Variants in PPP4R3A observed in about 807,000 individuals in gnomAD.
PPP4R3A encodes the protein protein phosphatase 4 regulatory subunit 3A, also known as serine/threonine-protein phosphatase 4 regulatory subunit 3A.
Under a neutral mutation model 91.7 loss-of-function variants are expected in PPP4R3A, and 15 were observed. The ratio of observed to expected loss-of-function variants is 0.16; its 90% CI spans 0.11 to 0.25. PPP4R3A has a LOEUF of 0.25. Ranked by LOEUF, PPP4R3A falls within the 10% of genes least tolerant of loss-of-function variation. The pLI, the probability that PPP4R3A is intolerant of heterozygous loss-of-function variation, is 1.00. For missense variants in PPP4R3A, 623 were observed against 998.4 expected, an observed-to-expected ratio of 0.62 and a Z score of 5.07; for synonymous variants, 377 against 348.7, an observed-to-expected ratio of 1.08 and a Z score of -0.91.
intron 3 of PPP4R3A, among the ~76,000 whole-genome samples, chr14:91,484,745 AG>A (rs1889783363): frequency 6.6e-6 from 1 of 152,192 alleles, no homozygotes; most frequent in African/African-American, 2.4e-5. Flanking sequence ...TGCTGGTTTG[AG>A]GGCCACATTC....
At chr14:91,461,006 C>T (rs6575193) in intron 14 of PPP4R3A, among the ~76,000 whole-genome samples, 132,997 of 152,094 alleles carry the variant, frequency 0.87, 58,346 homozygotes, top group East Asian at 0.96. Context: ...GTTAGAAGTA[C>T]CCAGATATTT....
At chr14:91,462,995 C>G (rs1195931192) in intron 11 of PPP4R3A, 118 bp from the exon 12 acceptor site, 5 of 794,644 alleles carry the variant, frequency 6.3e-6, no homozygotes, top group Non-Finnish European at 9.9e-6. Context: ...ACTACATAAT[C>G]TTAGAGATAA....
intron 10 of PPP4R3A, among the ~76,000 whole-genome samples, chr14:91,469,670 G>C (rs902242050): frequency 5.3e-5 from 8 of 152,154 alleles, no homozygotes; most frequent in African/African-American, 1.9e-4. Context: ...CCAGGTTCAA[G>C]CGATCCTTCT....
intron 1 of PPP4R3A, among the ~76,000 whole-genome samples, chr14:91,507,050 G>A (rs1392099080): frequency 6.6e-6 from 1 of 152,110 alleles, no homozygotes; most frequent in East Asian, 1.9e-4. Context: ...TCGGCGCAGT[G>A]GCTCACGCCT....
chr14:91,468,330 TAAAGA>T (rs1039680382), intron 10 of PPP4R3A, among the ~76,000 whole-genome samples: 31 of 152,204 alleles, frequency 2.0e-4, no homozygotes, highest in African/African-American at 7.2e-4. Flanking sequence ...TGAACTGAAC[TAAAGA>T]AAAGTCCTTT....
chr14:91,471,335 T>G (rs1034770936), intron 9 of PPP4R3A, among the ~76,000 whole-genome samples: 1 of 152,204 alleles, frequency 6.6e-6, no homozygotes, highest in Non-Finnish European at 1.5e-5. Flanking sequence ...CCAGGTACCT[T>G]AGCATGTTCT....
chr14:91,466,881 C>T (rs1436486057), intron 10 of PPP4R3A, among the ~76,000 whole-genome samples: 2 of 151,296 alleles, frequency 1.3e-5, no homozygotes, highest in African/African-American at 2.4e-5. Flanking sequence ...AGGAGTATTA[C>T]TATTTTAAGA....
intron 4 of PPP4R3A, among the ~76,000 whole-genome samples, chr14:91,479,403 T>A (rs996955268): frequency 6.6e-6 from 1 of 151,898 alleles, no homozygotes; most frequent in Non-Finnish European, 1.5e-5. Context: ...GGTCTCACTC[T>A]GTTGCTCAGG....
At chr14:91,477,048 A>C in intron 4 of PPP4R3A, 62 bp from the exon 5 acceptor site, 1 of 1,332,916 alleles carries the variant, frequency 7.5e-7, no homozygotes, top group African/African-American at 1.5e-5. Context: ...ATATAATTTC[A>C]GGAATGCTTT....
intron 1 of PPP4R3A, among the ~76,000 whole-genome samples, chr14:91,506,855 C>T (rs1891322647): frequency 6.6e-6 from 1 of 152,172 alleles, no homozygotes; most frequent in Non-Finnish European, 1.5e-5. Flanking sequence ...CAGCCTAAGT[C>T]CATTCTTTGC....
intron 7 of PPP4R3A, 120 bp from the exon 8 acceptor site, chr14:91,473,490 G>T: frequency 9.4e-7 from 1 of 1,059,034 alleles, no homozygotes; most frequent in Non-Finnish European, 1.3e-6. Context: ...ACTGCAAAGT[G>T]AAATGTTTAA....
At chr14:91,509,282 T>A (rs909100226) in intron 1 of PPP4R3A, among the ~76,000 whole-genome samples, 1 of 152,210 alleles carries the variant, frequency 6.6e-6, no homozygotes, top group Non-Finnish European at 1.5e-5. Context: ...GCTCTCCTCG[T>A]ACCCAAAATG....
rs1887841063 is a variant in PPP4R3A at position 91,457,608 on chromosome 14, C to A, written c.*1151G>T. On this transcript the variant is annotated 3_prime_UTR_variant, in exon 15 of 15. Coordinates refer to ENST00000554943, the MANE Select transcript of PPP4R3A (RefSeq NM_001366432.2). ...AAAAACAAGAAACATACAACTAATA[C>A]AATTTCTCTTACTCTTCACTTTTCT... The A allele has an allele frequency of 6.6e-6, 1 of 152,528 alleles. No individual in the cohort carries two copies. The highest frequency in any genetic ancestry group is 1.5e-5 in the Non-Finnish European group (1 of 67,990). The allele number at this position is 152,528 out of a possible 1,614,324, so 9.4% of individuals were successfully genotyped here.
intron 1 of PPP4R3A, among the ~76,000 whole-genome samples, chr14:91,494,946 A>G (rs998608465): frequency 2.0e-5 from 3 of 152,184 alleles, no homozygotes; most frequent in African/African-American, 4.8e-5. Flanking sequence ...GACAATAACA[A>G]GCGGTGACAA....
chr14:91,469,243 A>G (rs12437182), intron 10 of PPP4R3A, among the ~76,000 whole-genome samples: 74,792 of 152,086 alleles, frequency 0.49, 18,731 homozygotes, highest in Admixed American at 0.53. Context: ...GACTCATCTT[A>G]ATTTCAGAGA....
rs1461558026 is a variant in PPP4R3A, at chr14:91,473,364, A to G, written c.1273T>C (p.Leu425=). ...TEQKITSKDI[L]LINLIIEHMI... ...TGTTCTATAATGAGGTTGATGAGCA[A>G]AATATCCTGGAGAGAAAAATAGACA... Residue 425 remains leucine, a synonymous_variant, in exon 8 of 15, where the codon TTG becomes CTG. Transcript: ENST00000554943. The G allele has an allele frequency of 1.9e-6, 3 of 1,609,428 alleles. No individual in the cohort carries two copies. Among genetic ancestry groups the G allele is most frequent in the Non-Finnish European group, 2.5e-6 (3 of 1,178,900 alleles).
intron 11 of PPP4R3A, among the ~76,000 whole-genome samples, chr14:91,463,407 G>A (rs1888281604): frequency 6.6e-6 from 1 of 151,926 alleles, no homozygotes. Flanking sequence ...TCTTGCCCTA[G>A]GTGATTCTGA....
At chr14:91,496,631 G>C (rs1890588239) in intron 1 of PPP4R3A, among the ~76,000 whole-genome samples, 1 of 152,176 alleles carries the variant, frequency 6.6e-6, no homozygotes, top group Non-Finnish European at 1.5e-5. Flanking sequence ...CTAGTGTTGG[G>C]AAATGTTTTT....
chr14:91,504,373 C>T (rs766000295), intron 1 of PPP4R3A, among the ~76,000 whole-genome samples: 2 of 150,016 alleles, frequency 1.3e-5, no homozygotes, highest in Non-Finnish European at 3.0e-5. Context: ...GAGCAGGGTG[C>T]GGTGGCTCAC....
Sources: gnomAD v4.1 joint callset for allele counts (sites outside exome capture counted in the v4.1 genomes callset) on GRCh38, gnomAD v4.1.1 for gene constraint, MANE v1.5 for transcripts, NCBI Gene and HGNC (gene_info 2026-07-23, HGNC 2026-07-21) for gene names.